C3orf49: variants seen among roughly 807,000 people sequenced by gnomAD.
The protein encoded by C3orf49 is putative uncharacterized protein C3orf49.
A neutral mutation model predicts 13.3 loss-of-function variants in C3orf49; 27 were observed. The ratio of observed to expected loss-of-function variants is 2.02; its 90% CI spans 1.49 to 2.79. The LOEUF (loss-of-function observed/expected upper bound fraction) is 2.79. Among genes scored for constraint, C3orf49 ranks in the 30% most tolerant of loss-of-function variants. The pLI, the probability that C3orf49 is intolerant of heterozygous loss-of-function variation, is 0.00. For synonymous variants in C3orf49, 87 were observed against 47.6 expected (o/e 1.83, Z -3.40); for missense variants, 242 against 134.2 (o/e 1.80, Z -3.97).
chr3:63,798,931 A>C, the C3orf49 span, among the ~76,000 whole-genome samples: 1 of 152,176 alleles, frequency 6.6e-6, no homozygotes, highest in Non-Finnish European at 1.5e-5. Context: ...TTTGAAATGA[A>C]TTACTTGCAT....
the C3orf49 span, among the ~76,000 whole-genome samples, chr3:63,800,259 G>A: frequency 3.9e-5 from 6 of 152,070 alleles, no homozygotes; most frequent in South Asian, 2.1e-4. Context: ...CCTCTGGGTC[G>A]TTGGCCGCTG....
chr3:63,795,334 C>A, the C3orf49 span, among the ~76,000 whole-genome samples: 2 of 152,138 alleles, frequency 1.3e-5, no homozygotes, highest in African/African-American at 4.8e-5. Context: ...TGTATCCTTG[C>A]CCTTGAGCTG....
chr3:63,834,962 T>C (rs1331090313), intron 5 of C3orf49, among the ~76,000 whole-genome samples: 1 of 152,164 alleles, frequency 6.6e-6, no homozygotes, highest in African/African-American at 2.4e-5. Flanking sequence ...TTAAATCCTA[T>C]ATTACTACAA....
chr3:63,831,088 G>C, intron 3 of C3orf49, 22 bp from the exon 4 acceptor site: 1 of 694,012 alleles, frequency 1.4e-6, no homozygotes, highest in Non-Finnish European at 2.6e-6. Flanking sequence ...CTAATCTGAT[G>C]TGTTTTGCAT....
chr3:63,845,057 A>C lies in C3orf49; in HGVS notation c.*5A>C, dbSNP rs1204276498. The C allele has an allele frequency of 2.9e-6, 2 of 699,768 alleles. No homozygotes were observed. Among genetic ancestry groups the C allele is most frequent in the African/African-American group, 1.8e-5 (1 of 57,136 alleles). The allele number at this position is 699,768 out of a possible 1,614,324, so 43.3% of individuals were successfully genotyped here. A position where few individuals can be genotyped will look rare whatever the true frequency, so the allele number is the denominator to read the frequency against. ...AAAGGACCTGGAGACAGCTGACCTGAGACTCCTTGAGGAACACAGGAAAAG... is the reference window on the plus strand; with the variant it reads ...AAAGGACCTGGAGACAGCTGACCTGCGACTCCTTGAGGAACACAGGAAAAG... On this transcript the variant is annotated 3_prime_UTR_variant, in exon 6 of 7. Transcript: ENST00000295896.
At chr3:63,846,365 G>T in intron 6 of C3orf49, 1 of 248,666 alleles carries the variant, frequency 4.0e-6, no homozygotes, top group South Asian at 3.7e-5. Context: ...AATTTCACAA[G>T]TTTTCTGAAG....
chr3:63,815,763 TTTTC>T (rs1322925754), upstream of C3orf49, among the ~76,000 whole-genome samples: 3 of 147,770 alleles, frequency 2.0e-5, no homozygotes, highest in East Asian at 1.9e-4. Flanking sequence ...TTTTCTTTTC[TTTTC>T]TTTCTTTTTT....
chr3:63,840,491 T>G (rs534623465), intron 5 of C3orf49, among the ~76,000 whole-genome samples: 1 of 152,198 alleles, frequency 6.6e-6, no homozygotes, highest in Non-Finnish European at 1.5e-5. Context: ...CTTGGGAGGC[T>G]GAGGTAGGAG....
At chr3:63,844,033 C>G (rs1701831427) in intron 5 of C3orf49, among the ~76,000 whole-genome samples, 1 of 152,098 alleles carries the variant, frequency 6.6e-6, no homozygotes, top group Admixed American at 6.5e-5. Context: ...AAAAGGAGGA[C>G]ATCCTGTCAT....
At chr3:63,783,398 C>A in the C3orf49 span, among the ~76,000 whole-genome samples, 7 of 151,908 alleles carry the variant, frequency 4.6e-5, no homozygotes, top group Non-Finnish European at 1.0e-4. Flanking sequence ...AAAAATAATT[C>A]TGGGCTGGGC....
At chr3:63,830,180 C>T (rs1464420545) in intron 3 of C3orf49, among the ~76,000 whole-genome samples, 1 of 152,186 alleles carries the variant, frequency 6.6e-6, no homozygotes, top group Non-Finnish European at 1.5e-5. Context: ...CTTTACAAAA[C>T]TTGCCTAGGC....
chr3:63,829,277 AGAG>A (rs1202751855), intron 3 of C3orf49, among the ~76,000 whole-genome samples: 1 of 152,208 alleles, frequency 6.6e-6, no homozygotes, highest in African/African-American at 2.4e-5. Context: ...ACAGTCAAAT[AGAG>A]GAGATAGACA....
At chr3:63,831,644 C>G (rs1012899477) in intron 4 of C3orf49, 36 bp from the exon 5 acceptor site, 1 of 694,042 alleles carries the variant, frequency 1.4e-6, no homozygotes, top group Non-Finnish European at 2.6e-6. Context: ...GGCTTTCCAA[C>G]ACATGGCTTC....
At chr3:63,810,262 A>G in the C3orf49 span, among the ~76,000 whole-genome samples, 1 of 152,126 alleles carries the variant, frequency 6.6e-6, no homozygotes, top group Non-Finnish European at 1.5e-5. Flanking sequence ...CCCTGCAGAC[A>G]CTTCCTATCT....
At chr3:63,794,752 C>G in the C3orf49 span, among the ~76,000 whole-genome samples, 1 of 152,130 alleles carries the variant, frequency 6.6e-6, no homozygotes, top group Non-Finnish European at 1.5e-5. Context: ...TCTCATCTCC[C>G]TCAACATCTC....
At chr3:63,790,672 A>G in the C3orf49 span, among the ~76,000 whole-genome samples, 1 of 149,890 alleles carries the variant, frequency 6.7e-6, no homozygotes, top group Non-Finnish European at 1.5e-5. Flanking sequence ...ATCTGAGTAG[A>G]TCAGTATTCA....
chr3:63,797,323 A>C, the C3orf49 span, among the ~76,000 whole-genome samples: 2 of 152,114 alleles, frequency 1.3e-5, no homozygotes, highest in Admixed American at 1.3e-4. Flanking sequence ...GATGAGTCCC[A>C]GATAATATAA....
chr3:63,798,946 T>C, the C3orf49 span, among the ~76,000 whole-genome samples: 2 of 152,196 alleles, frequency 1.3e-5, no homozygotes, highest in Admixed American at 6.5e-5. Flanking sequence ...TTGCATTAAT[T>C]GTCTAGTAAG....
the C3orf49 span, among the ~76,000 whole-genome samples, chr3:63,785,065 CTTTTTTTTTTTT>C: frequency 3.1e-5 from 2 of 64,944 alleles, no homozygotes; most frequent in South Asian, 8.2e-4. Flanking sequence ...TCTTCTTCTT[CTTTTTTTTTTTT>C]TTTTTTTTTT....
Sources: allele counts gnomAD v4.1 joint callset (sites outside exome capture counted in the v4.1 genomes callset), GRCh38; gene constraint gnomAD v4.1.1; transcripts MANE v1.5; gene names NCBI Gene and HGNC (gene_info 2026-07-23, HGNC 2026-07-21).